The following CFAP61 variants were observed in gnomAD, a reference collection of about 807,000 sequenced individuals.
The protein encoded by CFAP61 is cilia and flagella associated protein 61.
A neutral mutation model predicts 135.6 loss-of-function variants in CFAP61; 107 were observed. The ratio of observed to expected loss-of-function variants is 0.79; its 90% confidence interval spans 0.67 to 0.93. CFAP61 has a LOEUF of 0.93. CFAP61 is among the 40% of genes least tolerant of loss of function. The pLI is 0.00. For missense variants in CFAP61, 1,507 were observed against 1,556.2 expected (o/e 0.97, Z 0.53); for synonymous variants, 575 against 578.5 (o/e 0.99, Z 0.09).
chr20:20,087,713 C>A (rs1405568198), intron 6 of CFAP61, among the ~76,000 whole-genome samples: 1 of 152,116 alleles, frequency 6.6e-6, no homozygotes. Flanking sequence ...TAACATTGCA[C>A]ATAACCCTTT....
chr20:20,346,649 C>T (rs1407461826), intron 26 of CFAP61, among the ~76,000 whole-genome samples: 1 of 152,138 alleles, frequency 6.6e-6, no homozygotes, highest in Non-Finnish European at 1.5e-5. Context: ...GGCAAAGCCA[C>T]AGCATCACTG....
At chr20:20,358,656 GTTT>G (rs2059364266) in intron 26 of CFAP61, among the ~76,000 whole-genome samples, 1 of 152,150 alleles carries the variant, frequency 6.6e-6, no homozygotes, top group African/African-American at 2.4e-5. Context: ...TATTGCTCTA[GTTT>G]AAATCTGAAT....
At chr20:20,252,658 A>T (rs2051036629) in intron 20 of CFAP61, among the ~76,000 whole-genome samples, 1 of 152,158 alleles carries the variant, frequency 6.6e-6, no homozygotes, top group Middle Eastern at 3.2e-3. Context: ...AAGCCAAAAG[A>T]TTAGACACCC....
intron 6 of CFAP61, among the ~76,000 whole-genome samples, chr20:20,081,559 G>A (rs1341675059): frequency 6.6e-6 from 1 of 152,170 alleles, no homozygotes; most frequent in Non-Finnish European, 1.5e-5. Context: ...CAGGAGAAAA[G>A]ATGTGGGATG....
intron 17 of CFAP61, among the ~76,000 whole-genome samples, chr20:20,226,885 T>C (rs137908646): frequency 1.3e-5 from 2 of 152,358 alleles, no homozygotes; most frequent in African/African-American, 4.8e-5. Flanking sequence ...TTCCGAAATC[T>C]GTGTTGTGCC....
chr20:20,283,822 A>G (rs1257192351), intron 22 of CFAP61, among the ~76,000 whole-genome samples: 2 of 152,244 alleles, frequency 1.3e-5, no homozygotes, highest in Non-Finnish European at 2.9e-5. Context: ...ATCCAGCAAC[A>G]GAGAATCTTA....
At chr20:20,295,529 G>A (rs539906693) in intron 24 of CFAP61, among the ~76,000 whole-genome samples, 78 of 152,074 alleles carry the variant, frequency 5.1e-4, no homozygotes, top group Non-Finnish European at 9.9e-4. Flanking sequence ...TTACTGTGAC[G>A]GGGACATGTA....
chr20:20,139,530 A>T (rs2051204075), intron 8 of CFAP61, among the ~76,000 whole-genome samples: 1 of 152,226 alleles, frequency 6.6e-6, no homozygotes, highest in Non-Finnish European at 1.5e-5. Context: ...GTGTTACACA[A>T]TACCACTGCC....
chr20:20,330,240 A>G (rs1235940229), intron 25 of CFAP61, among the ~76,000 whole-genome samples: 1 of 152,228 alleles, frequency 6.6e-6, no homozygotes, highest in Non-Finnish European at 1.5e-5. Context: ...CAATACAAAA[A>G]CAGTAATAAG....
Position 20,169,446 on chromosome 20 carries a change from G to A in CFAP61, c.1371G>A (p.Arg457=). 6.2e-7 allele frequency: 1 copy of A among 1,612,988 alleles called. No homozygotes were observed. The highest frequency in any genetic ancestry group is 1.3e-5 in the African/African-American group (1 of 74,954). The change falls in exon 13 of 27, where the codon CGG becomes CGA. Residue 457 remains arginine (R), a synonymous_variant. Coordinates refer to ENST00000245957, the MANE Select transcript of CFAP61 (RefSeq NM_015585.4). ...AGCAGGACCTCTACGTCTTCCACCG[G>A]GCTGGATTGCTCAAGTGAGTAGACA... The part of the protein sequence containing the change: ...TLEQDLYVFH[R]AGLLKSINIR...
intron 8 of CFAP61, among the ~76,000 whole-genome samples, chr20:20,139,010 T>G (rs2051154410): frequency 1.3e-5 from 2 of 152,246 alleles, no homozygotes; most frequent in Admixed American, 6.5e-5. Context: ...CTTAAATTTT[T>G]GTTTACTGTT....
intron 17 of CFAP61, among the ~76,000 whole-genome samples, chr20:20,215,584 A>G (rs959932511): frequency 1.3e-5 from 2 of 152,220 alleles, no homozygotes; most frequent in Non-Finnish European, 2.9e-5. Context: ...CCTTAAATCC[A>G]AAGTTAAAAT....
intron 14 of CFAP61, among the ~76,000 whole-genome samples, chr20:20,190,689 G>A (rs748031665): frequency 6.6e-6 from 1 of 152,068 alleles, no homozygotes. Context: ...TGAACAAAGT[G>A]TACAAGAAAT....
chr20:20,093,221 C>T (rs1205100171), intron 7 of CFAP61, among the ~76,000 whole-genome samples: 2 of 151,988 alleles, frequency 1.3e-5, no homozygotes, highest in African/African-American at 2.4e-5. Flanking sequence ...ATAAAGACCA[C>T]GTATTGTATG....
At chr20:20,152,613 TAAAAA>T (rs1217485160) in intron 9 of CFAP61, among the ~76,000 whole-genome samples, 1 of 152,022 alleles carries the variant, frequency 6.6e-6, no homozygotes, top group Non-Finnish European at 1.5e-5. Context: ...CAACAACAGT[TAAAAA>T]AAGTGGGACA....
chr20:20,266,273 C>G (rs1254932942), intron 21 of CFAP61, among the ~76,000 whole-genome samples: 1 of 152,122 alleles, frequency 6.6e-6, no homozygotes. Flanking sequence ...CTTTCAAATC[C>G]CTTTTCATAC....
At chr20:20,076,395 CT>C (rs1406964796) in intron 6 of CFAP61, among the ~76,000 whole-genome samples, 2 of 152,192 alleles carry the variant, frequency 1.3e-5, no homozygotes, top group Non-Finnish European at 2.9e-5. Context: ...TGACAGTTAG[CT>C]TCCACTGCCT....
chr20:20,331,925 AG>A (rs1187999558), intron 25 of CFAP61, among the ~76,000 whole-genome samples: 4 of 152,216 alleles, frequency 2.6e-5, no homozygotes, highest in African/African-American at 9.6e-5. Flanking sequence ...AGGCACAGGA[AG>A]GGAAGCTGAA....
At chr20:20,315,407 G>T (rs925736143) in intron 25 of CFAP61, among the ~76,000 whole-genome samples, 2 of 151,966 alleles carry the variant, frequency 1.3e-5, no homozygotes, top group African/African-American at 2.4e-5. Context: ...TTGTAAATTT[G>T]TTTGAGTTCA....
Sources: gnomAD v4.1 joint callset for allele counts (sites outside exome capture counted in the v4.1 genomes callset) on GRCh38, gnomAD v4.1.1 for gene constraint, MANE v1.5 for transcripts, NCBI Gene and HGNC (gene_info 2026-07-23, HGNC 2026-07-21) for gene names.